The following MDN1 variants were observed in gnomAD, a reference collection of about 807,000 sequenced individuals.
The protein encoded by MDN1 is midasin AAA ATPase 1.
MDN1 carries 266 observed loss-of-function variants against 669.2 expected under a neutral mutation model. The observed-to-expected ratio is 0.40, with a 90% confidence interval of 0.36 to 0.44. The LOEUF (loss-of-function observed/expected upper bound fraction) is 0.44. Among genes scored for constraint, MDN1 ranks in the 20% least tolerant of loss-of-function variants. The pLI is 1.00. For synonymous variants in MDN1, 2,385 were observed against 2,457.1 expected (o/e 0.97, Z 0.87); for missense variants, 5,940 against 6,754.0 (o/e 0.88, Z 4.22).
intron 32 of MDN1, among the ~76,000 whole-genome samples, chr6:89,738,813 A>C (rs891629569): frequency 1.3e-5 from 2 of 152,222 alleles, no homozygotes; most frequent in Non-Finnish European, 2.9e-5. Flanking sequence ...ATAATACTTC[A>C]GAGAAAATAA....
In MDN1 at chr6:89,774,642, C is replaced by G. The variant is rs1818262715; in HGVS notation, c.1913G>C (p.Ser638Thr). Residue 638 changes from serine (S) to threonine (T), a missense_variant, in exon 13 of 102, where the codon AGT becomes ACT. Physicochemically the swap from Ser to Thr is moderately conservative, Grantham distance 58. Transcript: ENST00000369393. The part of the protein sequence containing the change: ...VGRVRLLRKQ[S>T]EAVHLQREKF... ...TTACCTCTGTAGGTGAACAGCCTCACTTTGTTTCCGTAGAAGCCGCACTCG... is the reference window on the plus strand; with the variant it reads ...TTACCTCTGTAGGTGAACAGCCTCAGTTTGTTTCCGTAGAAGCCGCACTCG... 6.2e-7 allele frequency: 1 copy of G among 1,613,380 alleles called. No homozygotes were observed. The highest frequency in any genetic ancestry group is 1.7e-5 in the Admixed American group (1 of 59,984).
chr6:89,707,376 A>C lies in MDN1; in HGVS notation c.7999T>G (p.Phe2667Val). ...KLRESVLRMS[F>V]EFHQDPESYH... is the part of the protein sequence containing the mutation. ...ATGTTCTTACCTTGATGGAATTCAA[A>C]GGACATTCTCAAAACACTCTCTCTT... The change falls in exon 52 of 102, where the codon TTT becomes GTT. Residue 2667 changes from phenylalanine (F) to valine (V), a missense_variant. By Grantham distance (50) the Phe-to-Val change is conservative (BLOSUM62 -1). Transcript: ENST00000369393. The C allele has an allele frequency of 1.9e-6, 3 of 1,610,472 alleles. No homozygotes were observed. The highest frequency in any genetic ancestry group is 1.7e-5 in the Admixed American group (1 of 60,022).
chr6:89,668,898 A>C (rs1259267349), intron 83 of MDN1, among the ~76,000 whole-genome samples: 1 of 152,200 alleles, frequency 6.6e-6, no homozygotes, highest in Non-Finnish European at 1.5e-5. Context: ...ACTTAGAAAA[A>C]TTTTTAACAA....
intron 15 of MDN1, among the ~76,000 whole-genome samples, chr6:89,763,760 C>A (rs572889694): frequency 6.6e-6 from 1 of 152,224 alleles, no homozygotes; most frequent in African/African-American, 2.4e-5. Flanking sequence ...GAGGGAGAAA[C>A]AATGAGATGA....
intron 2 of MDN1, among the ~76,000 whole-genome samples, chr6:89,799,644 T>C (rs1172810557): frequency 1.3e-5 from 2 of 152,200 alleles, no homozygotes; most frequent in South Asian, 2.1e-4. Context: ...GACCACACCA[T>C]TGCATTCCAG....
chr6:89,735,243 A>AG (rs1815882415), intron 33 of MDN1, among the ~76,000 whole-genome samples: 1 of 152,100 alleles, frequency 6.6e-6, no homozygotes, highest in Admixed American at 6.5e-5. Context: ...TAATGTACCA[A>AG]TACTTGGTAC....
At chr6:89,798,181 CAAAAAAAAAAAAA>C (rs10706907) in intron 2 of MDN1, among the ~76,000 whole-genome samples, 7 of 71,526 alleles carry the variant, frequency 9.8e-5, no homozygotes, top group Admixed American at 3.6e-4. Flanking sequence ...GACTCTGTCT[CAAAAAAAAAAAAA>C]AAAAAAAAGA....
Position 89,725,403 on chromosome 6 carries a change from AAAG to A in MDN1, c.5473-10_5473-8del, listed in dbSNP as rs765144443. 2 of 1,608,166 alleles carry A rather than the reference AAAG, an allele frequency of 1.2e-6. No individual in the cohort carries two copies. Among genetic ancestry groups the A allele is most frequent in the African/African-American group, 1.3e-5 (1 of 74,756 alleles). ...ACTGAGAAGCCAGGTTAAGCTATTT[AAAG>A]AAGAAAGTACATAATTTGTCTCAAA... On this transcript the variant is annotated splice_polypyrimidine_tract_variant and splice_region_variant and intron_variant, in intron 37 of 101. Coordinates refer to ENST00000369393, the MANE Select transcript of MDN1 (RefSeq NM_014611.3).
intron 20 of MDN1, among the ~76,000 whole-genome samples, chr6:89,755,088 AC>A (rs1817173008): frequency 6.6e-6 from 1 of 152,124 alleles, no homozygotes; most frequent in Non-Finnish European, 1.5e-5. Context: ...AAAATAAGGC[AC>A]TTATAAAAGT....
At chr6:89,775,647 T>C (rs1003514752) in intron 12 of MDN1, among the ~76,000 whole-genome samples, 2 of 152,192 alleles carry the variant, frequency 1.3e-5, no homozygotes, top group Non-Finnish European at 2.9e-5. Flanking sequence ...TATACAGGTA[T>C]TCACTGCTAC....
Position 89,700,658 on chromosome 6 carries a change from C to T in MDN1, c.8626G>A (p.Asp2876Asn), listed in dbSNP as rs1426644512. The T allele has an allele frequency of 1.2e-6, 2 of 1,614,182 alleles. No individual in the cohort carries two copies. The highest frequency in any genetic ancestry group is 2.7e-5 in the African/African-American group (2 of 75,060). ...GLILRANILEDVSLDELKNFV... is the reference protein window; with the variant it reads ...GLILRANILENVSLDELKNFV... ...TAGAATATTTTACCTAGGCTGACAT[C>T]TTCCAAAATATTTGCTCTGAGGATC... The change falls in exon 56 of 102, where the codon GAT becomes AAT. Residue 2876 changes from aspartate to asparagine, a missense_variant. Physicochemically the swap from Asp to Asn is conservative, Grantham distance 23. This residue lies in a region of MDN1 where 2,292 missense variants were observed against 2,638.3 expected (regional missense o/e 0.87). Coordinates refer to ENST00000369393, the MANE Select transcript of MDN1 (RefSeq NM_014611.3).
intron 10 of MDN1, 30 bp downstream of exon 10, chr6:89,781,369 A>C (rs1230627958): frequency 6.2e-7 from 1 of 1,602,984 alleles, no homozygotes; most frequent in Non-Finnish European, 8.5e-7. Context: ...AAAAGAAAGA[A>C]AGAAAAGAAA....
rs931730055 is a variant in MDN1 at position 89,668,019 on chromosome 6, C to T, written c.14089G>A (p.Glu4697Lys). 1.2e-6 allele frequency: 2 copies of T among 1,613,394 alleles called. No individual in the cohort carries two copies. Among genetic ancestry groups the T allele is most frequent in the South Asian group, 1.1e-5 (1 of 91,020 alleles). ...ATACCTATGTGAAAACGTACCTGTT[C>T]TTCATTTCCGATCTGGTCACTCACA... is the stretch of plus-strand genomic sequence containing the variant. ...KDVSDQIGNE[E>K]QVEDTFQKGQ... The change falls in exon 84 of 102, where the codon GAA (glutamate) becomes AAA (lysine). Residue 4697 changes from glutamate to lysine, a missense_variant. Glu to Lys is a moderately conservative substitution (Grantham distance 56). Transcript: ENST00000369393.
At position 89,730,911 on chromosome 6, in the gene MDN1, G is replaced by C. The variant is rs779551988; in HGVS notation, c.4955C>G (p.Ser1652Cys). 1.2e-6 allele frequency: 2 copies of C among 1,613,738 alleles called. No individual in the cohort carries two copies. The highest frequency in any genetic ancestry group is 2.7e-5 in the African/African-American group (2 of 74,880). ...IDGIGSGVTS[S>C]GFGTALLARK... ...TGCCAAAAGGGCTGTACCAAACCCA[G>C]AGGAAGTTACCCCTAAAAGACAGAG... The change falls in exon 35 of 102, where the codon TCT (serine) becomes TGT (cysteine). Residue 1652 changes from serine to cysteine, a missense_variant. Around this residue, in one of 5 missense-constraint regions of MDN1, gnomAD observed 2,292 missense variants for 2,638.3 expected, o/e 0.87. Transcript: ENST00000369393.
At chr6:89,818,261 G>C (rs953484797) in intron 1 of MDN1, among the ~76,000 whole-genome samples, 4 of 146,152 alleles carry the variant, frequency 2.7e-5, no homozygotes, top group African/African-American at 1.0e-4. Flanking sequence ...GGAGGTTGCA[G>C]TGAGCTGAGA....
chr6:89,644,273 G>A, intron 101 of MDN1, 80 bp from the exon 102 acceptor site: 1 of 1,228,526 alleles, frequency 8.1e-7, no homozygotes, highest in Non-Finnish European at 1.1e-6. Context: ...GATCTCTTTT[G>A]CTAACTTTTA....
chr6:89,699,612 G>A lies in MDN1; in HGVS notation c.8986C>T (p.His2996Tyr). Residue 2996 changes from histidine to tyrosine, a missense_variant, in exon 58 of 102, where the codon CAT (histidine) becomes TAT (tyrosine). Coordinates refer to ENST00000369393, the MANE Select transcript of MDN1 (RefSeq NM_014611.3). ...QELRDLWSLL[H>Y]HQKVSPEEIT... ...ATTGTGATTTTTACCTTCTGATGATGCAGCAAGGACCACAGATCTCGAAGC... is the reference window on the plus strand; with the variant it reads ...ATTGTGATTTTTACCTTCTGATGATACAGCAAGGACCACAGATCTCGAAGC... The A allele has an allele frequency of 6.2e-7, 1 of 1,612,600 alleles. No individual in the cohort carries two copies. The highest frequency in any genetic ancestry group is 1.3e-5 in the African/African-American group (1 of 75,014).
At position 89,688,614 on chromosome 6, in the gene MDN1, G is replaced by T; in HGVS notation, c.11218C>A (p.His3740Asn). 9.3e-6 allele frequency: 15 copies of T among 1,614,152 alleles called. No homozygotes were observed. The highest frequency in any genetic ancestry group is 1.3e-5 in the Non-Finnish European group (15 of 1,180,020). ...VLQGFSEAVSHLLQDWPEHPA... is the reference protein window; with the variant it reads ...VLQGFSEAVSNLLQDWPEHPA... ...TGTTCTGGCCAGTCCTGTAGCAAGT[G>T]ACTGACAGCCTCTGAGAAACCTTGA... Residue 3740 changes from histidine (H) to asparagine (N), a missense_variant, in exon 66 of 102, where the codon CAC (histidine) becomes AAC (asparagine). Around this residue, in one of 5 missense-constraint regions of MDN1, gnomAD observed 2,280 missense variants for 2,576.3 expected, o/e 0.88. Transcript: ENST00000369393.
In MDN1 at chr6:89,675,756, T is replaced by C. The variant is rs555677627; in HGVS notation, c.12646-177A>G. ...GCTTGCACAGATCATTGAGATTCCA[T>C]AGACAGGAACTGGATTTAACTCCAA... On this transcript the variant is annotated intron_variant, in intron 77 of 101. Coordinates refer to ENST00000369393, the MANE Select transcript of MDN1 (RefSeq NM_014611.3). 23 of 587,932 alleles carry C rather than the reference T, an allele frequency of 3.9e-5. No homozygotes were observed. In the East Asian group the frequency reaches 5.7e-4, roughly 15 times the overall value. The allele number at this position is 587,932 out of a possible 1,614,324, so 36.4% of individuals were successfully genotyped here.
Sources: gnomAD v4.1 joint callset for allele counts (sites outside exome capture counted in the v4.1 genomes callset) on GRCh38, gnomAD v4.1.1 for gene constraint, gnomAD v4.1.1 regional missense constraint, MANE v1.5 for transcripts, NCBI Gene and HGNC (gene_info 2026-07-23, HGNC 2026-07-21) for gene names.